ABCD3: variants seen among roughly 807,000 people sequenced by gnomAD.
ABCD3 encodes ATP binding cassette subfamily D member 3.
A neutral mutation model predicts 105.5 loss-of-function variants in ABCD3; 41 were observed. That is an observed-to-expected ratio of 0.39 (90% CI 0.30 to 0.50). The LOEUF (loss-of-function observed/expected upper bound fraction) is 0.50. Ranked by LOEUF, ABCD3 falls within the 20% of genes least tolerant of loss-of-function variation. ABCD3 has a pLI of 0.84. For missense variants in ABCD3, 622 were observed against 806.3 expected (o/e 0.77, Z 2.77); for synonymous variants, 258 against 269.0 (o/e 0.96, Z 0.40).
chr1:94,406,768 C>T, the ABCD3 span: 1 of 153,214 alleles, frequency 6.5e-6, no homozygotes, highest in African/African-American at 2.4e-5. Context: ...ATGTTTATGA[C>T]TTAACTTTTC....
At chr1:94,477,284 G>A (rs1006024761) in intron 7 of ABCD3, among the ~76,000 whole-genome samples, 3 of 96,850 alleles carry the variant, frequency 3.1e-5, no homozygotes, top group Non-Finnish European at 4.2e-5. Context: ...GTTGAAACAA[G>A]CCAGTTAACA....
At chr1:94,448,886 G>A (rs879297212) in intron 1 of ABCD3, among the ~76,000 whole-genome samples, 2 of 152,190 alleles carry the variant, frequency 1.3e-5, no homozygotes, top group Non-Finnish European at 2.9e-5. Context: ...AGCAGAGGGG[G>A]ATAAACAGGG....
rs4148040 is a variant in ABCD3 at position 94,513,813 on chromosome 1, A to G, written c.1846-1333A>G. The stretch of plus-strand genomic sequence containing the variant: ...GTAGTATCATAAACAGAGAAATAAT[A>G]TCTTAAATGAGCTCTGAAAAATCAG... On this transcript the variant is annotated intron_variant, in intron 21 of 22. Coordinates refer to ENST00000370214, the MANE Select transcript of ABCD3 (RefSeq NM_002858.4). The G allele has an allele frequency of 1.3e-4, 20 of 152,170 alleles. No individual in the cohort carries two copies. In the East Asian group the frequency reaches 3.7e-3, roughly 28 times the overall value. 9.4% of individuals were successfully genotyped at this position (152,170 alleles called of 1,614,324 possible). A position where few individuals can be genotyped will look rare whatever the true frequency, so the allele number is the denominator to read the frequency against.
intron 4 of ABCD3, among the ~76,000 whole-genome samples, chr1:94,471,173 A>T (rs1199557098): frequency 6.6e-6 from 1 of 152,224 alleles, no homozygotes; most frequent in Non-Finnish European, 1.5e-5. Flanking sequence ...ATGAAATTTT[A>T]AAAAATTGTT....
At chr1:94,481,876 C>T (rs1649043704) in intron 9 of ABCD3, 1 of 152,056 alleles carries the variant, frequency 6.6e-6, no homozygotes, top group South Asian at 2.1e-4. Flanking sequence ...AGTTGGGACC[C>T]TAAATGGGGT....
chr1:94,388,192 T>G, the ABCD3 span, among the ~76,000 whole-genome samples: 1 of 152,220 alleles, frequency 6.6e-6, no homozygotes, highest in Non-Finnish European at 1.5e-5. Context: ...AAATAAAACA[T>G]AATTCCCATG....
In ABCD3 at chr1:94,499,053, C is replaced by T. The variant is rs771293017; in HGVS notation, c.1620+19C>T. 1.7e-5 allele frequency: 26 copies of T among 1,569,182 alleles called. No individual in the cohort carries two copies. The highest frequency in any genetic ancestry group is 2.3e-5 in the Non-Finnish European group (26 of 1,139,650). ...TGACCTAGTAAGGGAATGTTTATAT[C>T]CTAGATCCACTGAAAATACTCCAGA... On this transcript the variant is annotated intron_variant, in intron 19 of 22. Transcript: ENST00000370214.
At chr1:94,406,017 G>A in the ABCD3 span, among the ~76,000 whole-genome samples, 1 of 151,828 alleles carries the variant, frequency 6.6e-6, no homozygotes, top group South Asian at 2.1e-4. Context: ...GATTACAGAG[G>A]TATTTACCCA....
At chr1:94,412,551 T>G in the ABCD3 span, among the ~76,000 whole-genome samples, 1 of 152,200 alleles carries the variant, frequency 6.6e-6, no homozygotes, top group Non-Finnish European at 1.5e-5. Context: ...TTTAGAAAAG[T>G]TCCCAATTCT....
chr1:94,427,727 G>A (rs771557316), intron 1 of ABCD3, among the ~76,000 whole-genome samples: 3 of 152,172 alleles, frequency 2.0e-5, no homozygotes, highest in Non-Finnish European at 2.9e-5. Flanking sequence ...CGCCTGCCTT[G>A]TTCTCCCAAA....
At chr1:94,489,855 G>A (rs1160158495) in intron 14 of ABCD3, 39 bp downstream of exon 14, 2 of 1,611,446 alleles carry the variant, frequency 1.2e-6, no homozygotes. Flanking sequence ...ACAATTTTAA[G>A]TGTTTGCTGA....
intron 21 of ABCD3, among the ~76,000 whole-genome samples, chr1:94,507,681 T>C (rs1234425321): frequency 1.3e-5 from 2 of 152,128 alleles, no homozygotes; most frequent in Non-Finnish European, 2.9e-5. Flanking sequence ...ATGATTGCCA[T>C]TCTAACTGGT....
At chr1:94,394,774 T>G in the ABCD3 span, among the ~76,000 whole-genome samples, 1 of 152,164 alleles carries the variant, frequency 6.6e-6, no homozygotes, top group East Asian at 1.9e-4. Flanking sequence ...CCTAAAGTGT[T>G]GTGCATTTAA....
chr1:94,431,715 C>T (rs965087339), intron 1 of ABCD3, among the ~76,000 whole-genome samples: 2 of 152,114 alleles, frequency 1.3e-5, no homozygotes, highest in Non-Finnish European at 2.9e-5. Flanking sequence ...TGTGCACCAC[C>T]ATGCCTGGCT....
At chr1:94,395,076 T>C in the ABCD3 span, among the ~76,000 whole-genome samples, 1 of 152,192 alleles carries the variant, frequency 6.6e-6, no homozygotes, top group Non-Finnish European at 1.5e-5. Flanking sequence ...TGCTTACTGT[T>C]ACCTTAGCCA....
At chr1:94,508,440 T>A (rs1650475171) in intron 21 of ABCD3, among the ~76,000 whole-genome samples, 1 of 152,030 alleles carries the variant, frequency 6.6e-6, no homozygotes. Flanking sequence ...CCTCCAGCTT[T>A]GTTCTTTTGG....
intron 4 of ABCD3, 37 bp downstream of exon 4, chr1:94,468,044 A>G: frequency 1.4e-6 from 2 of 1,427,526 alleles, no homozygotes; most frequent in Non-Finnish European, 2.0e-6. Flanking sequence ...TATGTATGAA[A>G]TGCTAATTTG....
At chr1:94,467,403 T>TA (rs1307873980) in intron 3 of ABCD3, among the ~76,000 whole-genome samples, 2 of 152,220 alleles carry the variant, frequency 1.3e-5, no homozygotes, top group African/African-American at 4.8e-5. Flanking sequence ...CTTCCCTTCA[T>TA]AACTAAATTG....
At chr1:94,434,282 T>C (rs554970708) in intron 1 of ABCD3, among the ~76,000 whole-genome samples, 1 of 152,226 alleles carries the variant, frequency 6.6e-6, no homozygotes, top group African/African-American at 2.4e-5. Flanking sequence ...GTCATTCATA[T>C]GATAGCAGTA....
Sources: allele counts gnomAD v4.1 joint callset (sites outside exome capture counted in the v4.1 genomes callset), GRCh38; gene constraint gnomAD v4.1.1; transcripts MANE v1.5; gene names NCBI Gene and HGNC (gene_info 2026-07-23, HGNC 2026-07-21).